Variants in SCIMP observed in about 807,000 individuals in gnomAD.
The protein encoded by SCIMP is SLP adaptor and CSK interacting membrane protein.
SCIMP carries 18 observed loss-of-function variants against 22.0 expected under a neutral mutation model. The observed-to-expected ratio is 0.82, with a 90% confidence interval of 0.56 to 1.21. The LOEUF is 1.21. Ranked by LOEUF, SCIMP falls within the 50% of genes most tolerant of loss-of-function variation. The pLI is 0.00. For missense variants in SCIMP, 155 were observed against 171.2 expected, an observed-to-expected ratio of 0.91 and a Z score of 0.53; for synonymous variants, 53 against 62.2, an observed-to-expected ratio of 0.85 and a Z score of 0.70.
At chr17:5,225,210 A>G (rs1358713966) in intron 1 of SCIMP, among the ~76,000 whole-genome samples, 2 of 152,244 alleles carry the variant, frequency 1.3e-5, no homozygotes, top group Non-Finnish European at 2.9e-5. Flanking sequence ...CACGCCTGTA[A>G]TCCCAGCACT....
chr17:5,220,477 G>C (rs537572762), intron 3 of SCIMP, among the ~76,000 whole-genome samples: 1 of 150,342 alleles, frequency 6.7e-6, no homozygotes, highest in Non-Finnish European at 1.5e-5. Context: ...AGTGGCTCAC[G>C]TCTATAATCC....
At chr17:5,217,763 T>C (rs1160460638) in intron 3 of SCIMP, among the ~76,000 whole-genome samples, 4 of 151,824 alleles carry the variant, frequency 2.6e-5, no homozygotes, top group African/African-American at 7.2e-5. Context: ...TATGGCTGCA[T>C]AGTATTCCAT....
intron 1 of SCIMP, among the ~76,000 whole-genome samples, chr17:5,228,327 CAG>C (rs2074667357): frequency 7.4e-6 from 1 of 134,726 alleles, no homozygotes; most frequent in African/African-American, 2.8e-5. Flanking sequence ...GCCTGGGTGA[CAG>C]AGCCAAATCT....
At chr17:5,231,993 T>C (rs1412583700) in intron 1 of SCIMP, among the ~76,000 whole-genome samples, 1 of 152,138 alleles carries the variant, frequency 6.6e-6, no homozygotes, top group East Asian at 1.9e-4. Flanking sequence ...GAGGCGGAGC[T>C]TGCAGTGAGC....
At chr17:5,231,675 C>A (rs894123427) in intron 1 of SCIMP, among the ~76,000 whole-genome samples, 1 of 152,174 alleles carries the variant, frequency 6.6e-6, no homozygotes, top group Non-Finnish European at 1.5e-5. Flanking sequence ...GTCTCTAAAC[C>A]CCATCTTCGA....
At chr17:5,233,662 T>C (rs7211483) in intron 1 of SCIMP, among the ~76,000 whole-genome samples, 92,698 of 151,916 alleles carry the variant, frequency 0.61, 30,221 homozygotes, top group Non-Finnish European at 0.74. Context: ...TGAGCCACCA[T>C]GCCCCGCCTG....
chr17:5,225,785 C>T (rs551721800), intron 1 of SCIMP, among the ~76,000 whole-genome samples: 11 of 151,016 alleles, frequency 7.3e-5, no homozygotes, highest in Admixed American at 4.6e-4. Context: ...AAACACCGAT[C>T]TCAAAGAGGG....
chr17:5,234,568 C>T, intron 1 of SCIMP, 167 bp downstream of exon 1: 1 of 676,944 alleles, frequency 1.5e-6, no homozygotes, highest in Non-Finnish European at 2.6e-6. Flanking sequence ...TCCTTCAATG[C>T]AAGTTTTTCT....
At chr17:5,231,866 A>G (rs1280638810) in intron 1 of SCIMP, among the ~76,000 whole-genome samples, 2 of 152,282 alleles carry the variant, frequency 1.3e-5, no homozygotes, top group East Asian at 3.9e-4. Context: ...CATCCTGGCT[A>G]ACACAATGAA....
intron 1 of SCIMP, among the ~76,000 whole-genome samples, chr17:5,232,642 C>T (rs891588229): frequency 1.3e-5 from 2 of 152,058 alleles, no homozygotes; most frequent in Admixed American, 1.3e-4. Flanking sequence ...GCAGTTCTTG[C>T]CCCAGTTCAC....
rs886547019 is a variant in SCIMP, at chr17:5,215,014, G to T, written c.210-16C>A. 1.3e-6 allele frequency: 2 copies of T among 1,572,394 alleles called. No individual in the cohort carries two copies. The highest frequency in any genetic ancestry group is 1.1e-5 in the South Asian group (1 of 90,046). On this transcript the variant is annotated splice_polypyrimidine_tract_variant and intron_variant, in intron 3 of 4. Coordinates refer to ENST00000574081, the MANE Select transcript of SCIMP (RefSeq NM_207103.3). ...AAGAACATTCCTAGAGAGAGAGAAA[G>T]AGAGAGAATCAGTGTTTGGTTTGGG...
chr17:5,234,830 T>C lies in SCIMP; in HGVS notation c.-75A>G. 1 of 1,564,224 alleles carries C rather than the reference T, an allele frequency of 6.4e-7. No homozygotes were observed. Among genetic ancestry groups the C allele is most frequent in the Non-Finnish European group, 8.7e-7 (1 of 1,154,162 alleles). On this transcript the variant is annotated 5_prime_UTR_variant, in exon 1 of 5. Coordinates refer to ENST00000574081, the MANE Select transcript of SCIMP (RefSeq NM_207103.3). Reference sequence around the variant, plus strand: ...ACAGCTGGTGAGAGGCATTCCTCACTCACAGGCCTTCACCCACTGCTAGAG... The same window carrying C: ...ACAGCTGGTGAGAGGCATTCCTCACCCACAGGCCTTCACCCACTGCTAGAG...
intron 3 of SCIMP, among the ~76,000 whole-genome samples, chr17:5,220,369 C>G (rs76080333): frequency 0.1 from 15,027 of 149,736 alleles, 1,707 homozygotes; most frequent in South Asian, 0.48. Context: ...TTGCTTGAGC[C>G]CAGGAGTTTG....
At chr17:5,211,354 C>T (rs1416401694) in intron 4 of SCIMP, among the ~76,000 whole-genome samples, 1 of 152,004 alleles carries the variant, frequency 6.6e-6, no homozygotes, top group Non-Finnish European at 1.5e-5. Flanking sequence ...AGACCCTCGT[C>T]CCTACAGAAA....
Position 5,228,586 on chromosome 17 carries a change from A to G in SCIMP, c.22-5130T>C, listed in dbSNP as rs144739311. Reference sequence around the variant, plus strand: ...CTTGAGCCCAGGGATTCGAGGCTACATTGGGCCATGAATGTGCCACTGCAC... The same window carrying G: ...CTTGAGCCCAGGGATTCGAGGCTACGTTGGGCCATGAATGTGCCACTGCAC... On this transcript the variant is annotated intron_variant, in intron 1 of 4. Coordinates refer to ENST00000574081, the MANE Select transcript of SCIMP (RefSeq NM_207103.3). Among the ~76,000 whole-genome samples, 708 of 151,700 alleles carry G rather than the reference A, an allele frequency of 4.7e-3. 7 individuals carry two copies. Among genetic ancestry groups the G allele is most frequent in the African/African-American group, 0.016 (667 of 41,368 alleles).
At chr17:5,217,051 G>C (rs900546349) in intron 3 of SCIMP, among the ~76,000 whole-genome samples, 2 of 152,048 alleles carry the variant, frequency 1.3e-5, no homozygotes, top group Non-Finnish European at 2.9e-5. Flanking sequence ...TGCAGACGGG[G>C]ACATGGGGGT....
At chr17:5,233,101 C>T (rs1281749343) in intron 1 of SCIMP, among the ~76,000 whole-genome samples, 1 of 152,124 alleles carries the variant, frequency 6.6e-6, no homozygotes, top group African/African-American at 2.4e-5. Flanking sequence ...TGGGGAAGTG[C>T]ACGGCAGGGT....
At chr17:5,216,859 C>T (rs1417137391) in intron 3 of SCIMP, among the ~76,000 whole-genome samples, 1 of 152,082 alleles carries the variant, frequency 6.6e-6, no homozygotes, top group African/African-American at 2.4e-5. Flanking sequence ...TCAGGTTGCA[C>T]ACTCAGTATT....
At chr17:5,214,038 G>A (rs2074545992) in intron 4 of SCIMP, 1 of 152,202 alleles carries the variant, frequency 6.6e-6, no homozygotes, top group African/African-American at 2.4e-5. Flanking sequence ...ACTCCCTGAT[G>A]CTCTTCCCCA....
Sources: allele counts gnomAD v4.1 joint callset (sites outside exome capture counted in the v4.1 genomes callset), GRCh38; gene constraint gnomAD v4.1.1; transcripts MANE v1.5; gene names NCBI Gene and HGNC (gene_info 2026-07-23, HGNC 2026-07-21).